Variants in CTNNA2 observed in about 807,000 individuals in gnomAD.
CTNNA2 encodes the protein catenin alpha-2.
In CTNNA2, 42 loss-of-function variants were observed where a neutral mutation model predicts 101.0. That is an observed-to-expected ratio of 0.42 (90% CI 0.32 to 0.54). CTNNA2 has a LOEUF of 0.54. Ranked by LOEUF, CTNNA2 falls within the 20% of genes least tolerant of loss-of-function variation. The pLI is 0.14. For synonymous variants in CTNNA2, 450 were observed against 456.4 expected (o/e 0.99, Z 0.18); for missense variants, 871 against 1,223.1 (o/e 0.71, Z 4.29).
intron 9 of CTNNA2, among the ~76,000 whole-genome samples, chr2:80,512,799 C>T (rs948642345): frequency 2.0e-5 from 3 of 151,636 alleles, no homozygotes; most frequent in East Asian, 1.9e-4. Context: ...ATTCTTTCCC[C>T]GTAATCACCT....
At chr2:80,087,829 C>T (rs541468215) in intron 7 of CTNNA2, among the ~76,000 whole-genome samples, 4 of 152,156 alleles carry the variant, frequency 2.6e-5, no homozygotes, top group Non-Finnish European at 5.9e-5. Flanking sequence ...CCAGTTCTAG[C>T]ACAGAGGTGT....
At chr2:80,095,795 G>T (rs1475773464) in intron 7 of CTNNA2, among the ~76,000 whole-genome samples, 4 of 151,622 alleles carry the variant, frequency 2.6e-5, no homozygotes, top group East Asian at 2.0e-4. Flanking sequence ...TTGCATAGAG[G>T]TGTTTATAGT....
Position 79,904,452 on chromosome 2 carries a change from T to C in CTNNA2, c.853-5142T>C, listed in dbSNP as rs115178599. Among the ~76,000 whole-genome samples, 78 of 152,280 alleles carry C rather than the reference T, an allele frequency of 5.1e-4. 1 individual carries two copies. The highest frequency in any genetic ancestry group is 1.7e-3 in the African/African-American group (72 of 41,550). ...AAGTATTATATTTAATTTAAAAGAATTAAATTTTCGTTTTAAAGTAATATA... is the reference window on the plus strand; with the variant it reads ...AAGTATTATATTTAATTTAAAAGAACTAAATTTTCGTTTTAAAGTAATATA... On this transcript the variant is annotated intron_variant, in intron 6 of 18. Coordinates refer to ENST00000402739, the MANE Select transcript of CTNNA2 (RefSeq NM_001282597.3).
intron 7 of CTNNA2, among the ~76,000 whole-genome samples, chr2:80,005,014 T>C (rs951339951): frequency 6.6e-6 from 1 of 152,160 alleles, no homozygotes; most frequent in Non-Finnish European, 1.5e-5. Context: ...CATTTAACTT[T>C]GATTTTCTAA....
chr2:80,355,073 T>A lies in CTNNA2; in HGVS notation c.1057-38138T>A, dbSNP rs116559408. On this transcript the variant is annotated intron_variant, in intron 7 of 18. Coordinates refer to ENST00000402739, the MANE Select transcript of CTNNA2 (RefSeq NM_001282597.3). ...AGGGCTGGTTTATCATGTGCTAGTT[T>A]ACCACTGCAGTTTCTGTATTAGTCA... Among the ~76,000 whole-genome samples the A allele has an allele frequency of 3.5e-3, 533 of 152,306 alleles. 5 individuals carry two copies. The highest frequency in any genetic ancestry group is 0.012 in the African/African-American group (506 of 41,586).
intron 7 of CTNNA2, among the ~76,000 whole-genome samples, chr2:80,385,626 C>T (rs1425978905): frequency 1.3e-5 from 2 of 150,586 alleles, no homozygotes; most frequent in African/African-American, 2.4e-5. Flanking sequence ...CTTTTCTTCC[C>T]CTCCTTCTTC....
intron 18 of CTNNA2, among the ~76,000 whole-genome samples, chr2:80,625,335 G>A (rs1360986554): frequency 6.6e-6 from 1 of 151,976 alleles, no homozygotes; most frequent in Non-Finnish European, 1.5e-5. Flanking sequence ...ATTGTATGAA[G>A]CATTTAAAAT....
chr2:80,208,545 C>T (rs1322202612), intron 7 of CTNNA2, among the ~76,000 whole-genome samples: 3 of 152,070 alleles, frequency 2.0e-5, no homozygotes, highest in Non-Finnish European at 4.4e-5. Context: ...TTGAGGTAAA[C>T]CTGCTGCCTT....
At chr2:80,631,754 A>G (rs1007129883) in intron 18 of CTNNA2, among the ~76,000 whole-genome samples, 1 of 152,174 alleles carries the variant, frequency 6.6e-6, no homozygotes, top group East Asian at 1.9e-4. Context: ...TGATAAATGC[A>G]CTATACCTGA....
chr2:80,006,015 A>C (rs1311969419), intron 7 of CTNNA2, among the ~76,000 whole-genome samples: 1 of 152,190 alleles, frequency 6.6e-6, no homozygotes, highest in East Asian at 1.9e-4. Context: ...AGTTTCCATA[A>C]TCCATTGCTA....
At chr2:79,286,367 G>C (rs554197165) in intron 2 of CTNNA2, among the ~76,000 whole-genome samples, 1 of 152,238 alleles carries the variant, frequency 6.6e-6, no homozygotes, top group Non-Finnish European at 1.5e-5. Context: ...TTTATATTTT[G>C]GCATGATTTT....
rs1558808489 is a variant in CTNNA2 at position 79,656,122 on chromosome 2, G to A, written c.102+4464G>A. On this transcript the variant is annotated intron_variant, in intron 2 of 18. Transcript: ENST00000402739. ...AAAAAATTAAATATGTGAATTTTAA[G>A]ATGGGATTTTCCTTATGATATTACT... Among the ~76,000 whole-genome samples, 4 of 152,060 alleles carry A rather than the reference G, an allele frequency of 2.6e-5. No individual in the cohort carries two copies. In the South Asian group the frequency reaches 8.3e-4, roughly 31 times the overall value.
chr2:80,343,246 T>G (rs183521085), intron 7 of CTNNA2, among the ~76,000 whole-genome samples: 111 of 152,256 alleles, frequency 7.3e-4, no homozygotes, highest in African/African-American at 2.4e-3. Context: ...GCTTATAATT[T>G]TTTAATATTC....
rs1511190 is a variant in CTNNA2, at chr2:79,704,275, C to A, written c.103-40112C>A. Among the ~76,000 whole-genome samples, 726 of 152,190 alleles carry A rather than the reference C, an allele frequency of 4.8e-3. 5 individuals are homozygous for A. Among genetic ancestry groups the A allele is most frequent in the African/African-American group, 0.017 (689 of 41,532 alleles). ...ATAAATTAATAACATTTTTTAAATG[C>A]CAGAGACATGTGACTTCTTTTCTTC... On this transcript the variant is annotated intron_variant, in intron 2 of 18. Coordinates refer to ENST00000402739, the MANE Select transcript of CTNNA2 (RefSeq NM_001282597.3).
Position 80,257,466 on chromosome 2 carries a change from A to T in CTNNA2, c.1057-135745A>T, listed in dbSNP as rs1414404479. Among the ~76,000 whole-genome samples the T allele has an allele frequency of 2.0e-5, 3 of 152,098 alleles. No homozygotes were observed. In the South Asian group the frequency reaches 6.2e-4, roughly 32 times the overall value. On this transcript the variant is annotated intron_variant, in intron 7 of 18. Coordinates refer to ENST00000402739, the MANE Select transcript of CTNNA2 (RefSeq NM_001282597.3). ...AAAAGGACTTTTGAAAATATAAAGAACCCTGTGAATGTTAATGATTGTCTC... is the reference window on the plus strand; with the variant it reads ...AAAAGGACTTTTGAAAATATAAAGATCCCTGTGAATGTTAATGATTGTCTC...
At chr2:80,241,587 ATATCTATC>A (rs3067148) in intron 7 of CTNNA2, among the ~76,000 whole-genome samples, 2,199 of 148,392 alleles carry the variant, frequency 0.015, 48 homozygotes, top group African/African-American at 0.048. Flanking sequence ...TGCATCTATT[ATATCTATC>A]TATCTATCTA....
intron 17 of CTNNA2, among the ~76,000 whole-genome samples, chr2:80,616,120 G>C: frequency 6.6e-6 from 1 of 151,702 alleles, no homozygotes; most frequent in East Asian, 1.9e-4. Context: ...TAGATGTCCT[G>C]TCAAATCGGA....
chr2:80,050,572 G>A (rs1311477552), intron 7 of CTNNA2, among the ~76,000 whole-genome samples: 2 of 152,202 alleles, frequency 1.3e-5, no homozygotes, highest in Non-Finnish European at 2.9e-5. Context: ...GTACAGATTG[G>A]CCAGCAACCT....
chr2:80,019,942 A>G (rs532448590), intron 7 of CTNNA2, among the ~76,000 whole-genome samples: 24 of 152,250 alleles, frequency 1.6e-4, no homozygotes, highest in Middle Eastern at 3.4e-3. Context: ...TTTATCCTCT[A>G]AGGCACTCCT....
Sources: gnomAD v4.1 joint callset for allele counts (sites outside exome capture counted in the v4.1 genomes callset) on GRCh38, gnomAD v4.1.1 for gene constraint, MANE v1.5 for transcripts, NCBI Gene and HGNC (gene_info 2026-07-23, HGNC 2026-07-21) for gene names.